Variants in GPM6A observed in about 807,000 individuals in gnomAD.
The protein encoded by GPM6A is neuronal membrane glycoprotein M6-a.
Under a neutral mutation model 32.1 loss-of-function variants are expected in GPM6A, and 7 were observed. The ratio of observed to expected loss-of-function variants is 0.22; its 90% CI spans 0.12 to 0.41. The LOEUF (loss-of-function observed/expected upper bound fraction) is 0.41. GPM6A is among the 10% of genes least tolerant of loss of function. The pLI is 1.00. For missense variants in GPM6A, 235 were observed against 347.2 expected, an observed-to-expected ratio of 0.68 and a Z score of 2.57; for synonymous variants, 130 against 123.4, an observed-to-expected ratio of 1.05 and a Z score of -0.35.
intron 1 of GPM6A, among the ~76,000 whole-genome samples, chr4:175,878,781 T>A (rs1737173385): frequency 6.6e-6 from 1 of 152,146 alleles, no homozygotes; most frequent in Non-Finnish European, 1.5e-5. Context: ...ACCTTGAATT[T>A]CTCCTCAGAA....
At chr4:175,765,942 C>T (rs1235102702) in intron 1 of GPM6A, among the ~76,000 whole-genome samples, 2 of 152,204 alleles carry the variant, frequency 1.3e-5, no homozygotes, top group African/African-American at 2.4e-5. Context: ...ATTGTTCAGG[C>T]CTCTATTCAT....
In GPM6A at chr4:175,745,938, G is replaced by A. The variant is rs1732086840; in HGVS notation, c.38-44171C>T. Among the ~76,000 whole-genome samples, 5 of 152,250 alleles carry A rather than the reference G, an allele frequency of 3.3e-5. No individual in the cohort carries two copies. In the South Asian group the frequency reaches 1.0e-3, roughly 32 times the overall value. On this transcript the variant is annotated intron_variant, in intron 1 of 6. Coordinates refer to ENST00000393658, the MANE Select transcript of GPM6A (RefSeq NM_201591.3). ...AGATCACGCTGTTTATAGTGTGAAT[G>A]TGGATTTAAGCTGGGACAAGGCTTG...
chr4:175,697,450 G>C (rs1744644271), intron 2 of GPM6A, among the ~76,000 whole-genome samples: 1 of 152,138 alleles, frequency 6.6e-6, no homozygotes, highest in Non-Finnish European at 1.5e-5. Context: ...AAGCGGCAGA[G>C]CTGTTTTGAG....
chr4:175,851,186 G>A (rs535978005), intron 1 of GPM6A, among the ~76,000 whole-genome samples: 23 of 151,908 alleles, frequency 1.5e-4, no homozygotes, highest in Non-Finnish European at 2.6e-4. Flanking sequence ...GTGAAACCCC[G>A]TCTCTACTAA....
chr4:175,823,073 A>G (rs1337181026), intron 1 of GPM6A, among the ~76,000 whole-genome samples: 2 of 152,196 alleles, frequency 1.3e-5, no homozygotes, highest in Non-Finnish European at 2.9e-5. Context: ...ACACCTCTGC[A>G]AGATAGCTTT....
intron 2 of GPM6A, 51 bp downstream of exon 2, chr4:175,701,524 G>T: frequency 7.7e-7 from 1 of 1,301,022 alleles, no homozygotes; most frequent in South Asian, 1.2e-5. Context: ...TTAACACATA[G>T]AAGTGTAAAT....
chr4:175,644,516 A>G (rs1300263353), intron 4 of GPM6A, among the ~76,000 whole-genome samples: 1 of 151,742 alleles, frequency 6.6e-6, no homozygotes, highest in East Asian at 1.9e-4. Context: ...GATATAATAT[A>G]TATTAAAAAT....
At chr4:175,977,919 C>A (rs116588293) in intron 1 of GPM6A, among the ~76,000 whole-genome samples, 2 of 152,160 alleles carry the variant, frequency 1.3e-5, no homozygotes, top group African/African-American at 4.8e-5. Context: ...AGTCTCCCTT[C>A]GCATGCGCAC....
intron 1 of GPM6A, among the ~76,000 whole-genome samples, chr4:175,766,947 G>A (rs78866847): frequency 0.015 from 2,272 of 151,786 alleles, 33 homozygotes; most frequent in South Asian, 0.026. Flanking sequence ...AAGCCAGCAC[G>A]CCTGGCCTCC....
At chr4:175,986,384 T>A (rs1013290483) in intron 1 of GPM6A, among the ~76,000 whole-genome samples, 2 of 151,468 alleles carry the variant, frequency 1.3e-5, no homozygotes, top group African/African-American at 2.4e-5. Flanking sequence ...AAAAAAATTT[T>A]AAATAAGTTG....
intron 4 of GPM6A, among the ~76,000 whole-genome samples, chr4:175,648,397 G>A (rs1560850299): frequency 6.6e-6 from 1 of 152,106 alleles, no homozygotes; most frequent in South Asian, 2.1e-4. Flanking sequence ...TCAGGGAGAG[G>A]CAACTTTGCT....
chr4:175,869,944 T>A (rs1197747748), intron 1 of GPM6A, among the ~76,000 whole-genome samples: 1 of 152,196 alleles, frequency 6.6e-6, no homozygotes, highest in Non-Finnish European at 1.5e-5. Context: ...TTAAAAAAAT[T>A]ACACAAGGTC....
At chr4:175,683,843 T>G (rs939852722) in intron 2 of GPM6A, among the ~76,000 whole-genome samples, 1 of 152,184 alleles carries the variant, frequency 6.6e-6, no homozygotes, top group Admixed American at 6.5e-5. Context: ...TACTTTTTTT[T>G]TTTTTGAGAA....
chr4:175,724,931 C>T (rs972165501), intron 1 of GPM6A, among the ~76,000 whole-genome samples: 1 of 152,082 alleles, frequency 6.6e-6, no homozygotes, highest in Non-Finnish European at 1.5e-5. Context: ...TCACTAACAC[C>T]CACTACACAC....
intron 1 of GPM6A, among the ~76,000 whole-genome samples, chr4:175,858,425 G>A (rs943719959): frequency 6.6e-5 from 10 of 151,892 alleles, no homozygotes; most frequent in South Asian, 2.1e-4. Context: ...TCAGCTACTC[G>A]GGAGGCTGAG....
chr4:175,665,063 G>A (rs1031187102), intron 3 of GPM6A, among the ~76,000 whole-genome samples: 12 of 152,110 alleles, frequency 7.9e-5, no homozygotes, highest in Admixed American at 4.6e-4. Context: ...GGTATTGAAA[G>A]CCTACAGGAC....
Position 175,730,560 on chromosome 4 carries a change from T to A in GPM6A, c.38-28793A>T, listed in dbSNP as rs539731961. ...ATCTCGGCTCACTGCAAGCTCCGCC[T>A]CCCGGGTTCACGCCATTCTCCTGCC... is the stretch of plus-strand genomic sequence containing the variant. On this transcript the variant is annotated intron_variant, in intron 1 of 6. Coordinates refer to ENST00000393658, the MANE Select transcript of GPM6A (RefSeq NM_201591.3). Among the ~76,000 whole-genome samples the A allele has an allele frequency of 7.9e-5, 12 of 151,666 alleles. No homozygotes were observed. In the East Asian group the frequency reaches 2.3e-3, roughly 29 times the overall value.
At chr4:175,671,617 G>T (rs1743072372) in intron 3 of GPM6A, among the ~76,000 whole-genome samples, 1 of 151,948 alleles carries the variant, frequency 6.6e-6, no homozygotes, top group Non-Finnish European at 1.5e-5. Flanking sequence ...AGCTGAGGTG[G>T]GGGTGTGGAG....
intron 2 of GPM6A, among the ~76,000 whole-genome samples, chr4:175,680,070 A>G (rs1218830148): frequency 6.6e-6 from 1 of 152,226 alleles, no homozygotes; most frequent in Non-Finnish European, 1.5e-5. Flanking sequence ...CAAGGTAAGA[A>G]ACACATGTAT....
Sources: allele counts gnomAD v4.1 joint callset (sites outside exome capture counted in the v4.1 genomes callset), GRCh38; gene constraint gnomAD v4.1.1; transcripts MANE v1.5; gene names NCBI Gene and HGNC (gene_info 2026-07-23, HGNC 2026-07-21).